Variants in ZNF618 observed in about 807,000 individuals in gnomAD.
ZNF618 encodes the protein zinc finger protein 618.
A neutral mutation model predicts 103.0 loss-of-function variants in ZNF618; 34 were observed. The observed-to-expected ratio is 0.33, with a 90% CI of 0.25 to 0.44. The LOEUF is 0.44. Ranked by LOEUF, ZNF618 falls within the 20% of genes least tolerant of loss-of-function variation. ZNF618 has a pLI of 1.00. For synonymous variants in ZNF618, 551 were observed against 542.2 expected (o/e 1.02, Z -0.23); for missense variants, 1,059 against 1,295.4 (o/e 0.82, Z 2.80).
intron 9 of ZNF618, among the ~76,000 whole-genome samples, chr9:114,015,467 AGAT>A (rs1389731152): frequency 6.6e-6 from 1 of 152,230 alleles, no homozygotes. Flanking sequence ...GAATGTAAGA[AGAT>A]GATAATACTT....
At chr9:114,018,863 T>A (rs1345816647) in intron 10 of ZNF618, among the ~76,000 whole-genome samples, 1 of 152,196 alleles carries the variant, frequency 6.6e-6, no homozygotes, top group Non-Finnish European at 1.5e-5. Flanking sequence ...CATGAGAGAT[T>A]TAGCCTAGAT....
At chr9:113,963,945 T>C (rs956637016) in intron 1 of ZNF618, among the ~76,000 whole-genome samples, 3 of 152,116 alleles carry the variant, frequency 2.0e-5, no homozygotes, top group African/African-American at 7.2e-5. Flanking sequence ...GTCAGCAGTG[T>C]TGGGAAAACA....
intron 1 of ZNF618, among the ~76,000 whole-genome samples, chr9:113,932,866 G>A (rs1361339699): frequency 6.6e-6 from 1 of 152,154 alleles, no homozygotes; most frequent in East Asian, 1.9e-4. Flanking sequence ...TAAGTCTGGA[G>A]CGCAGGCGAG....
At chr9:113,988,617 G>C in intron 3 of ZNF618, 37 bp downstream of exon 3, 1 of 1,572,788 alleles carries the variant, frequency 6.4e-7, no homozygotes, top group East Asian at 2.3e-5. Context: ...GTGGAGACCA[G>C]GGTGGGAACA....
chr9:113,941,776 GT>G (rs5900065), intron 1 of ZNF618, among the ~76,000 whole-genome samples: 84,687 of 152,076 alleles, frequency 0.56, 24,171 homozygotes, highest in East Asian at 0.67. Flanking sequence ...TAGATGTCTT[GT>G]TTTATTCTTC....
chr9:114,012,173 T>G (rs1180492834), intron 9 of ZNF618, among the ~76,000 whole-genome samples: 2 of 152,234 alleles, frequency 1.3e-5, no homozygotes, highest in African/African-American at 2.4e-5. Flanking sequence ...TAAGAAAATA[T>G]GACCTTACAC....
intron 1 of ZNF618, among the ~76,000 whole-genome samples, chr9:113,894,203 T>G (rs10114173): frequency 0.24 from 36,543 of 152,044 alleles, 4,525 homozygotes; most frequent in East Asian, 0.35. Context: ...ATTTGGAGGA[T>G]GATTCTTCAT....
chr9:113,955,982 G>A (rs1231029543), intron 1 of ZNF618, among the ~76,000 whole-genome samples: 1 of 151,876 alleles, frequency 6.6e-6, no homozygotes, highest in Admixed American at 6.6e-5. Flanking sequence ...GGCCGAAGCG[G>A]GTGGATCACC....
At chr9:114,010,704 A>G (rs189759075) in intron 9 of ZNF618, among the ~76,000 whole-genome samples, 276 of 152,360 alleles carry the variant, frequency 1.8e-3, no homozygotes, top group Non-Finnish European at 2.9e-3. Flanking sequence ...CTCCATCTCA[A>G]AAAATAATTC....
intron 1 of ZNF618, among the ~76,000 whole-genome samples, chr9:113,935,978 A>G (rs116921765): frequency 0.047 from 7,135 of 152,046 alleles, 171 homozygotes; most frequent in African/African-American, 0.061. Context: ...CTATTGAGAT[A>G]GGGTCTCACT....
chr9:113,993,013 G>T (rs187985250), intron 3 of ZNF618, among the ~76,000 whole-genome samples: 98 of 152,336 alleles, frequency 6.4e-4, no homozygotes, highest in Middle Eastern at 3.4e-3. Flanking sequence ...TTTATAGTAA[G>T]AAGAGCAGAG....
intron 10 of ZNF618, among the ~76,000 whole-genome samples, chr9:114,027,608 T>G (rs1421650912): frequency 6.6e-6 from 1 of 152,238 alleles, no homozygotes; most frequent in Non-Finnish European, 1.5e-5. Flanking sequence ...TCGCCTTCTG[T>G]GCCAGGAATG....
chr9:114,002,583 C>T (rs763514190), intron 5 of ZNF618, 41 bp from the exon 6 acceptor site: 39 of 1,599,550 alleles, frequency 2.4e-5, no homozygotes, highest in Non-Finnish European at 3.3e-5. Context: ...TGTCATTGGC[C>T]CGGTAGCCCC....
chr9:113,876,461 G>T, intron 1 of ZNF618, 48 bp downstream of exon 1: 3 of 1,176,810 alleles, frequency 2.5e-6, no homozygotes, highest in Non-Finnish European at 3.2e-6. Flanking sequence ...ACCCCGGGGG[G>T]CCGGGGCCCG....
In ZNF618 at chr9:113,989,926, G is replaced by A. The variant is rs893103614; in HGVS notation, c.337+1346G>A. ...GAGGCCTTGGCCAAAACAGAACACC[G>A]ACCATGTTGCTCCCCTGCTTATACC... On this transcript the variant is annotated intron_variant, in intron 3 of 14. Coordinates refer to ENST00000374126, the MANE Select transcript of ZNF618 (RefSeq NM_001318042.2). Among the ~76,000 whole-genome samples, 49 of 152,160 alleles carry A rather than the reference G, an allele frequency of 3.2e-4. 1 individual carries two copies. Among genetic ancestry groups the A allele is most frequent in the African/African-American group, 1.0e-3 (43 of 41,444 alleles).
At chr9:113,885,660 C>T (rs1261900838) in intron 1 of ZNF618, among the ~76,000 whole-genome samples, 5 of 152,154 alleles carry the variant, frequency 3.3e-5, no homozygotes, top group African/African-American at 1.2e-4. Flanking sequence ...GGGACCCCGA[C>T]ACAGCCTCTA....
In ZNF618 at chr9:114,054,538, C is replaced by G. The variant is rs1316161071; in HGVS notation, c.*4371C>G. The G allele has an allele frequency of 6.5e-6, 1 of 152,704 alleles. No individual in the cohort carries two copies. The highest frequency in any genetic ancestry group is 1.5e-5 in the Non-Finnish European group (1 of 68,116). 9.5% of individuals were successfully genotyped at this position (152,704 alleles called of 1,614,324 possible). ...GAACAAGAGACTAAGTAAGGTCCGG[C>G]TATCCCGTGGAGCCAGTAGTAGGTG... On this transcript the variant is annotated 3_prime_UTR_variant, in exon 15 of 15. Coordinates refer to ENST00000374126, the MANE Select transcript of ZNF618 (RefSeq NM_001318042.2).
chr9:113,887,680 A>G (rs12551599), intron 1 of ZNF618, among the ~76,000 whole-genome samples: 39,172 of 152,006 alleles, frequency 0.26, 5,482 homozygotes, highest in Admixed American at 0.41. Context: ...CAGGGTGGGG[A>G]GTCATCTCCC....
intron 3 of ZNF618, among the ~76,000 whole-genome samples, chr9:113,989,937 T>C (rs1839872974): frequency 6.6e-6 from 1 of 152,210 alleles, no homozygotes. Flanking sequence ...ACCATGTTGC[T>C]CCCCTGCTTA....
Sources: gnomAD v4.1 joint callset for allele counts (sites outside exome capture counted in the v4.1 genomes callset) on GRCh38, gnomAD v4.1.1 for gene constraint, MANE v1.5 for transcripts, NCBI Gene and HGNC (gene_info 2026-07-23, HGNC 2026-07-21) for gene names.